ZNF347: variants seen among roughly 807,000 people sequenced by gnomAD.
ZNF347 encodes the protein zinc finger protein 347.
ZNF347 carries 19 observed loss-of-function variants against 12.9 expected under a neutral mutation model. The ratio of observed to expected loss-of-function variants is 1.47; its 90% CI spans 1.03 to 2.16. The LOEUF (loss-of-function observed/expected upper bound fraction) is 2.16, where lower values mean the gene tolerates loss of function less well. ZNF347 is among the 30% of genes most tolerant of loss of function. The pLI, the probability that ZNF347 is intolerant of heterozygous loss-of-function variation, is 0.00. For missense variants in ZNF347, 1,005 were observed against 990.6 expected (o/e 1.01, Z -0.19); for synonymous variants, 328 against 340.6 (o/e 0.96, Z 0.41).
chr19:53,154,703 G>A (rs2090520674), intron 1 of ZNF347, among the ~76,000 whole-genome samples: 1 of 152,084 alleles, frequency 6.6e-6, no homozygotes, highest in Admixed American at 6.6e-5. Flanking sequence ...TGATAGGAAT[G>A]GAAAGATGAC....
chr19:53,140,429 C>A lies in ZNF347; in HGVS notation c.2399G>T (p.Ser800Ile). The A allele has an allele frequency of 6.2e-7, 1 of 1,614,082 alleles. No individual in the cohort carries two copies. Among genetic ancestry groups the A allele is most frequent in the Non-Finnish European group, 8.5e-7 (1 of 1,179,956 alleles). ...ATGGGTAGTTAGGCTTGAACAGATA[C>A]TAAAGGGTTTCCCACACTCATATGG... ...EKPYECGKPF[S>I]ICSSLTTHQT... The change falls in exon 5 of 5, where the codon AGT becomes ATT. Residue 800 changes from serine to isoleucine, a missense_variant. Ser to Ile is a moderately radical substitution (Grantham distance 142). Coordinates refer to ENST00000334197, the MANE Select transcript of ZNF347 (RefSeq NM_032584.3).
At position 53,140,715 on chromosome 19, in the gene ZNF347, CA is replaced by C. The variant is rs1337900510; in HGVS notation, c.2112del (p.Gly705GlufsTer20). 6.2e-7 allele frequency: 1 copy of C among 1,613,316 alleles called. No homozygotes were observed. Among genetic ancestry groups the C allele is most frequent in the African/African-American group, 1.3e-5 (1 of 74,920 alleles). The part of the protein sequence containing the change: ...SKLARHQRVH[T>X]GEKPYECNQC... Reference sequence around the variant, plus strand: ...TGATTACACTCATATGGTTTCTCTCCAGTATGAACTCTCTGATGCCTTGCAA... The same window carrying C: ...TGATTACACTCATATGGTTTCTCTCCGTATGAACTCTCTGATGCCTTGCAA... On this transcript the variant is annotated frameshift_variant, in exon 5 of 5. Transcript: ENST00000334197. LOFTEE classifies it low-confidence loss of function (END_TRUNC).
chr19:53,155,560 C>G (rs1027291080), intron 1 of ZNF347, among the ~76,000 whole-genome samples: 1 of 152,000 alleles, frequency 6.6e-6, no homozygotes, highest in East Asian at 1.9e-4. Flanking sequence ...GTCTCGAACT[C>G]CTGGACTCAA....
chr19:53,144,240 C>G (rs1416038325), intron 4 of ZNF347, among the ~76,000 whole-genome samples: 1 of 152,060 alleles, frequency 6.6e-6, no homozygotes, highest in Non-Finnish European at 1.5e-5. Flanking sequence ...AACAAACTCA[C>G]TTCACCTATA....
chr19:53,155,242 T>A (rs2146815704), intron 1 of ZNF347, among the ~76,000 whole-genome samples: 1 of 151,642 alleles, frequency 6.6e-6, no homozygotes, highest in South Asian at 2.1e-4. Flanking sequence ...CTGGCCAATT[T>A]AGAGTATTTT....
At position 53,142,115 on chromosome 19, in the gene ZNF347, T is replaced by A. The variant is rs368218676; in HGVS notation, c.713A>T (p.Tyr238Phe). ...YNVKTHISKK[Y>F]LKDFISSLLL... The stretch of plus-strand genomic sequence containing the variant: ...TAAAGAAGAGATAAAATCTTTGAGA[T>A]ATTTCTTAGAAATGTGGGTTTTGAC... Residue 238 changes from tyrosine (Y) to phenylalanine (F), a missense_variant, in exon 5 of 5, where the codon TAT becomes TTT. Physicochemically the swap from Tyr to Phe is conservative, Grantham distance 22. Coordinates refer to ENST00000334197, the MANE Select transcript of ZNF347 (RefSeq NM_032584.3). 6.8e-6 allele frequency: 11 copies of A among 1,612,836 alleles called. No individual in the cohort carries two copies. In the African/African-American group the frequency reaches 1.5e-4, roughly 22 times the overall value.
At chr19:53,149,532 T>C in intron 2 of ZNF347, 165 bp from the exon 3 acceptor site, 1 of 1,323,278 alleles carries the variant, frequency 7.6e-7, no homozygotes, top group Non-Finnish European at 1.0e-6. Context: ...GACATACATC[T>C]CACTTGGAAT....
rs370979636 is a variant in ZNF347, at chr19:53,140,283, C to A, written c.*25G>T. ...TGAATTCTAACTGCAAAAGTTACCA[C>A]CTTCATTTGTAAGGTTTCTCTCCAC... On this transcript the variant is annotated 3_prime_UTR_variant, in exon 5 of 5. Coordinates refer to ENST00000334197, the MANE Select transcript of ZNF347 (RefSeq NM_032584.3). 1.3e-6 allele frequency: 2 copies of A among 1,519,184 alleles called. No individual in the cohort carries two copies. Among genetic ancestry groups the A allele is most frequent in the African/African-American group, 2.8e-5 (2 of 71,730 alleles). 94.1% of individuals were successfully genotyped at this position (1,519,184 alleles called of 1,614,324 possible).
chr19:53,135,369 A>AGAGAGAGAGAG lies in ZNF347; in HGVS notation c.*4938_*4939insCTCTCTCTCTC, dbSNP rs2090382771. On this transcript the variant is annotated 3_prime_UTR_variant, in exon 5 of 5. Transcript: ENST00000334197. ...AGAGAGAGAGAGAGAGAGAGAGAGA[A>AGAGAGAGAGAG]AGAGAGAGAGAGAGAGAGAGAGAGA... The AGAGAGAGAGAG allele has an allele frequency of 3.4e-5, 3 of 87,928 alleles. No homozygotes were observed. The highest frequency in any genetic ancestry group is 1.4e-4 in the African/African-American group (3 of 22,158). 5.4% of individuals were successfully genotyped at this position (87,928 alleles called of 1,614,324 possible).
In ZNF347 at chr19:53,141,374, T is replaced by C. The variant is rs759506835; in HGVS notation, c.1454A>G (p.Tyr485Cys). 5 of 1,614,098 alleles carry C rather than the reference T, an allele frequency of 3.1e-6. No homozygotes were observed. The highest frequency in any genetic ancestry group is 1.7e-4 in the Middle Eastern group (1 of 6,060). ...HQLIHTGEKP[Y>C]KCNECGKAFR... is the part of the protein sequence containing the mutation. ...GGCTTTGCCACACTCATTACACTTATAAGGTTTCTCTCCAGTATGAATTAG... is the reference window on the plus strand; with the variant it reads ...GGCTTTGCCACACTCATTACACTTACAAGGTTTCTCTCCAGTATGAATTAG... Residue 485 changes from tyrosine (Y) to cysteine (C), a missense_variant, in exon 5 of 5, where the codon TAT (tyrosine) becomes TGT (cysteine). By Grantham distance (194) the Tyr-to-Cys change is radical. Transcript: ENST00000334197.
rs1157686881 is a variant in ZNF347, at chr19:53,140,632, A to C, written c.2196T>G (p.Thr732=). 2 of 1,613,086 alleles carry C rather than the reference A, an allele frequency of 1.2e-6. No homozygotes were observed. The highest frequency in any genetic ancestry group is 2.7e-5 in the African/African-American group (2 of 74,538). Residue 732 remains threonine (T), a synonymous_variant, in exon 5 of 5, where the codon ACT becomes ACG. Transcript: ENST00000334197. ...SSLTTHQAIH[T]GKKPYKCNEC... ...CATTGCATTTGTAAGGTTTTTTTCC[A>C]GTATGGATTGCCTGATGGGTAGTTA...
At chr19:53,145,290 GAAAAA>G (rs35614813) in intron 4 of ZNF347, among the ~76,000 whole-genome samples, 2 of 124,182 alleles carry the variant, frequency 1.6e-5, no homozygotes, top group African/African-American at 6.1e-5. Flanking sequence ...AGTCTGTCTA[GAAAAA>G]AAAAAAAAAA....
Position 53,140,758 on chromosome 19 carries a change from A to G in ZNF347, c.2070T>C (p.Phe690=). ...GCCTTGCAAGCTTTGATGTTTGACT[A>G]AAGGCTTTGCCACATTCATTACACT... ...PYQCNECGKA[F]SQTSKLARHQ... Residue 690 remains phenylalanine (F), a synonymous_variant, in exon 5 of 5, where the codon TTT becomes TTC. Coordinates refer to ENST00000334197, the MANE Select transcript of ZNF347 (RefSeq NM_032584.3). The G allele has an allele frequency of 6.2e-7, 1 of 1,612,516 alleles. No homozygotes were observed. The highest frequency in any genetic ancestry group is 8.5e-7 in the Non-Finnish European group (1 of 1,179,194).
chr19:53,158,900 C>CA (rs398035032), intron 1 of ZNF347, 109 bp downstream of exon 1: 66,871 of 108,188 alleles, frequency 0.62, 19,899 homozygotes, highest in South Asian at 0.75. Context: ...TCCGTCTCAC[C>CA]AAAAAAAAAA....
chr19:53,141,921 T>A lies in ZNF347; in HGVS notation c.907A>T (p.Asn303Tyr). The A allele has an allele frequency of 6.2e-7, 1 of 1,613,952 alleles. No individual in the cohort carries two copies. The highest frequency in any genetic ancestry group is 8.5e-7 in the Non-Finnish European group (1 of 1,179,964). The change falls in exon 5 of 5, where the codon AAC (asparagine) becomes TAC (tyrosine). Residue 303 changes from asparagine (N) to tyrosine (Y), a missense_variant. By Grantham distance (143) the Asn-to-Tyr change is moderately radical. Coordinates refer to ENST00000334197, the MANE Select transcript of ZNF347 (RefSeq NM_032584.3). ...TGGATCACCTGATGGGTAGTTAGGT[T>A]TGAACGTGTTCTAAAGGCTTTGCCA... ...ECGKAFRTRS[N>Y]LTTHQVIHTG...
At chr19:53,156,046 G>GGC (rs1491471098) in intron 1 of ZNF347, among the ~76,000 whole-genome samples, 10 of 71,304 alleles carry the variant, frequency 1.4e-4, no homozygotes, top group African/African-American at 5.8e-4. Context: ...CTCCCAGCTC[G>GGC]GGGGGGGGGG....
Position 53,135,904 on chromosome 19 carries a change from A to G in ZNF347, c.*4404T>C, listed in dbSNP as rs2090386317. On this transcript the variant is annotated 3_prime_UTR_variant, in exon 5 of 5. Transcript: ENST00000334197. Reference sequence around the variant, plus strand: ...AACAAATCTAAGGGGAGTATATTAAATGGCAGCTGTCATTGCAAAAGTTGC... The same window carrying G: ...AACAAATCTAAGGGGAGTATATTAAGTGGCAGCTGTCATTGCAAAAGTTGC... 1 of 152,148 alleles carries G rather than the reference A, an allele frequency of 6.6e-6. No homozygotes were observed. Among genetic ancestry groups the G allele is most frequent in the African/African-American group, 2.4e-5 (1 of 41,450 alleles). The allele number at this position is 152,148 out of a possible 1,614,324, so 9.4% of individuals were successfully genotyped here. A position where few individuals can be genotyped will look rare whatever the true frequency, so the allele number is the denominator to read the frequency against.
In ZNF347 at chr19:53,149,344, C is replaced by T; in HGVS notation, c.39G>A (p.Val13=). The T allele has an allele frequency of 6.2e-7, 1 of 1,613,952 alleles. No individual in the cohort carries two copies. Among genetic ancestry groups the T allele is most frequent in the Non-Finnish European group, 8.5e-7 (1 of 1,179,928 alleles). ...ACTCCTCCTGAGAGAATTCTATAGC[C>T]ACATCCCTGAATGTCACCTGTCCCT... is the stretch of plus-strand genomic sequence containing the variant. ...LTQGQVTFRD[V]AIEFSQEEWT... Residue 13 remains valine (V), a synonymous_variant, in exon 3 of 5, where the codon GTG becomes GTA. Transcript: ENST00000334197.
Position 53,142,160 on chromosome 19 carries a change from G to A in ZNF347, c.668C>T (p.Pro223Leu). 1 of 1,613,962 alleles carries A rather than the reference G, an allele frequency of 6.2e-7. No homozygotes were observed. The highest frequency in any genetic ancestry group is 8.5e-7 in the Non-Finnish European group (1 of 1,179,974). ...SFNNNSSVSP[P>L]QQMPYNVKTH... is the part of the protein sequence containing the mutation. ...TTTGACATTATAAGGCATTTGTTGA[G>A]GTGGTGAAACTGAGGAATTATTGTT... The change falls in exon 5 of 5, where the codon CCT becomes CTT. Residue 223 changes from proline to leucine, a missense_variant. Physicochemically the swap from Pro to Leu is moderately conservative, Grantham distance 98. Coordinates refer to ENST00000334197, the MANE Select transcript of ZNF347 (RefSeq NM_032584.3).
Sources: gnomAD v4.1 joint callset for allele counts (sites outside exome capture counted in the v4.1 genomes callset) on GRCh38, gnomAD v4.1.1 for gene constraint, MANE v1.5 for transcripts, NCBI Gene and HGNC (gene_info 2026-07-23, HGNC 2026-07-21) for gene names.